The following CDK5RAP2 variants were observed in gnomAD, a reference collection of about 807,000 sequenced individuals.
CDK5RAP2 encodes the protein CDK5 regulatory subunit associated protein 2.
Under a neutral mutation model 232.9 loss-of-function variants are expected in CDK5RAP2, and 147 were observed. That is an observed-to-expected ratio of 0.63 (90% CI 0.55 to 0.72). The LOEUF is 0.72. Among genes scored for constraint, CDK5RAP2 ranks in the 30% least tolerant of loss-of-function variants. The probability of loss-of-function intolerance (pLI) is 0.00; values close to 1 mark genes in which losing one functional copy is unlikely to be tolerated. For missense variants in CDK5RAP2, 2,195 were observed against 2,231.5 expected (o/e 0.98, Z 0.33); for synonymous variants, 833 against 833.7 (o/e 1.00, Z 0.01).
chr9:120,484,274 G>A (rs879553220), intron 14 of CDK5RAP2, among the ~76,000 whole-genome samples: 18 of 152,206 alleles, frequency 1.2e-4, no homozygotes, highest in Non-Finnish European at 2.5e-4. Context: ...AAAGAACTAC[G>A]ATCTGAAAAG....
intron 3 of CDK5RAP2, among the ~76,000 whole-genome samples, chr9:120,560,682 T>C (rs930079057): frequency 6.6e-6 from 1 of 152,202 alleles, no homozygotes; most frequent in Non-Finnish European, 1.5e-5. Context: ...AGTGGCGCGA[T>C]CTCGGCTCAC....
intron 25 of CDK5RAP2, among the ~76,000 whole-genome samples, chr9:120,433,502 A>C (rs1339158786): frequency 6.6e-6 from 1 of 152,242 alleles, no homozygotes; most frequent in Non-Finnish European, 1.5e-5. Context: ...GCAAGGAATT[A>C]AGTAAATTTC....
chr9:120,403,423 T>C lies in CDK5RAP2; in HGVS notation c.5042-352A>G. ...CACTGCAGAAGGTGCAACAGCAGAG[T>C]GATGAAGGGCCAGAGCCAGAAAAAA... On this transcript the variant is annotated intron_variant, in intron 33 of 37. Coordinates refer to ENST00000349780, the MANE Select transcript of CDK5RAP2 (RefSeq NM_018249.6). The surrounding 1 kb of genome is among the most constrained non-coding windows in gnomAD (Gnocchi z 4.2). 3.0e-6 allele frequency: 1 copy of C among 330,282 alleles called. No individual in the cohort carries two copies. Among genetic ancestry groups the C allele is most frequent in the Middle Eastern group, 9.6e-4 (1 of 1,044 alleles). 20.5% of individuals were successfully genotyped at this position (330,282 alleles called of 1,614,324 possible). A position where few individuals can be genotyped will look rare whatever the true frequency, so the allele number is the denominator to read the frequency against.
chr9:120,404,456 T>G (rs2033296915), intron 32 of CDK5RAP2, among the ~76,000 whole-genome samples: 1 of 152,240 alleles, frequency 6.6e-6, no homozygotes, highest in South Asian at 2.1e-4. Context: ...AATACCCGTT[T>G]TAAAACCTTA....
At chr9:120,429,371 G>A (rs2035133323) in intron 25 of CDK5RAP2, among the ~76,000 whole-genome samples, 1 of 152,092 alleles carries the variant, frequency 6.6e-6, no homozygotes, top group South Asian at 2.1e-4. Flanking sequence ...CATTGTCTCA[G>A]CCCAAAATTT....
intron 25 of CDK5RAP2, among the ~76,000 whole-genome samples, chr9:120,435,522 C>T (rs1346885317): frequency 4.0e-5 from 6 of 151,668 alleles, no homozygotes; most frequent in African/African-American, 9.7e-5. Flanking sequence ...AGGGCCTAGA[C>T]ACAATGATAC....
rs191410294 is a variant in CDK5RAP2, at chr9:120,413,880, C to T, written c.4297+1160G>A. 7.2e-3 allele frequency among the ~76,000 whole-genome samples: 1,087 copies of T among 151,792 alleles called. 3 individuals are homozygous for T. The highest frequency in any genetic ancestry group is 0.012 in the Non-Finnish European group (800 of 67,918). On this transcript the variant is annotated intron_variant, in intron 28 of 37. Coordinates refer to ENST00000349780, the MANE Select transcript of CDK5RAP2 (RefSeq NM_018249.6). Reference sequence around the variant, plus strand: ...AGGGAGAGGGCGAGATGGAGCCATTCGGTTTCCCTTGCAAGCTGCAGCATG... The same window carrying T: ...AGGGAGAGGGCGAGATGGAGCCATTTGGTTTCCCTTGCAAGCTGCAGCATG...
At chr9:120,546,140 G>A (rs1163994881) in intron 4 of CDK5RAP2, among the ~76,000 whole-genome samples, 1 of 152,198 alleles carries the variant, frequency 6.6e-6, no homozygotes, top group African/African-American at 2.4e-5. Flanking sequence ...CAATTCTGCG[G>A]TGTGTTTTTC....
At chr9:120,555,152 C>T (rs1350083588) in intron 3 of CDK5RAP2, among the ~76,000 whole-genome samples, 5 of 124,766 alleles carry the variant, frequency 4.0e-5, no homozygotes, top group Admixed American at 2.6e-4. Context: ...GGGTGGGGGG[C>T]GGTGGGTAGA....
chr9:120,399,040 C>T (rs1297089541), intron 35 of CDK5RAP2, among the ~76,000 whole-genome samples: 6 of 152,144 alleles, frequency 3.9e-5, no homozygotes, highest in African/African-American at 1.2e-4. Context: ...GCAACCACAT[C>T]GGAGCATCTC....
intron 3 of CDK5RAP2, 42 bp from the exon 4 acceptor site, chr9:120,550,944 AC>A (rs1447361847): frequency 1.6e-5 from 19 of 1,164,178 alleles, no homozygotes; most frequent in Non-Finnish European, 2.3e-5. Context: ...CAAACAAAAG[AC>A]AGAGGGTCCA....
At chr9:120,398,229 T>C (rs2032692740) in intron 35 of CDK5RAP2, among the ~76,000 whole-genome samples, 1 of 152,262 alleles carries the variant, frequency 6.6e-6, no homozygotes, top group Admixed American at 6.5e-5. Flanking sequence ...TTCATTCTGA[T>C]ATGTGCTATT....
intron 3 of CDK5RAP2, among the ~76,000 whole-genome samples, chr9:120,559,485 T>G (rs1428963680): frequency 1.4e-4 from 16 of 112,326 alleles, no homozygotes; most frequent in African/African-American, 5.3e-4. Context: ...CAAGACTCTG[T>G]CTCAAAAAAA....
chr9:120,484,967 T>G (rs2038519049), intron 14 of CDK5RAP2, among the ~76,000 whole-genome samples: 1 of 151,998 alleles, frequency 6.6e-6, no homozygotes, highest in South Asian at 2.1e-4. Context: ...CAAGCAATCC[T>G]CCTGTCTCAG....
intron 12 of CDK5RAP2, among the ~76,000 whole-genome samples, chr9:120,516,662 C>CA (rs1202619394): frequency 6.6e-6 from 1 of 151,984 alleles, no homozygotes; most frequent in Non-Finnish European, 1.5e-5. Context: ...CCTGTCTCCA[C>CA]AAAAAATAAA....
At chr9:120,460,749 T>A in intron 18 of CDK5RAP2, 82 bp from the exon 19 acceptor site, 1 of 515,636 alleles carries the variant, frequency 1.9e-6, no homozygotes, top group Non-Finnish European at 2.7e-6. Context: ...CAGTGATGTC[T>A]TTTTTTTTTT....
At position 120,460,656 on chromosome 9, in the gene CDK5RAP2, G is replaced by A; in HGVS notation, c.2118C>T (p.Ser706=). The part of the protein sequence containing the change: ...ASTEQTELLA[S]KEDEDTIKIG... ...TTTTGATCGTGTCCTCGTCCTCCTTGCTAGCCAGAAGCTACATGGAGCATG... is the reference window on the plus strand; with the variant it reads ...TTTTGATCGTGTCCTCGTCCTCCTTACTAGCCAGAAGCTACATGGAGCATG... Residue 706 remains serine, a synonymous_variant, in exon 19 of 38, where the codon AGC becomes AGT. Coordinates refer to ENST00000349780, the MANE Select transcript of CDK5RAP2 (RefSeq NM_018249.6). The A allele has an allele frequency of 1.2e-6, 2 of 1,613,880 alleles. No individual in the cohort carries two copies. The highest frequency in any genetic ancestry group is 4.5e-5 in the East Asian group (2 of 44,862).
rs1456960493 is a variant in CDK5RAP2 at position 120,411,394 on chromosome 9, G to C, written c.4378C>G (p.Gln1460Glu). 4 of 1,611,994 alleles carry C rather than the reference G, an allele frequency of 2.5e-6. No homozygotes were observed. Among genetic ancestry groups the C allele is most frequent in the Admixed American group, 3.3e-5 (2 of 59,994 alleles). ...SEIHFLRKQNQALNAMLIKGS... is the reference protein window; with the variant it reads ...SEIHFLRKQNEALNAMLIKGS... ...TTAATGAGCATTGCATTGAGGGCCT[G>C]GTTCTGCTTCCTCAAGAAATGAATT... Residue 1460 changes from glutamine to glutamate, a missense_variant, in exon 29 of 38, where the codon CAG becomes GAG. Coordinates refer to ENST00000349780, the MANE Select transcript of CDK5RAP2 (RefSeq NM_018249.6).
At position 120,403,578 on chromosome 9, in the gene CDK5RAP2, A is replaced by G; in HGVS notation, c.5041+458T>C. ...TCTGACCAAGGACAGCAGCAAAGGC[A>G]TGTCACAGAGAAATGTGTATTCATG... is the stretch of plus-strand genomic sequence containing the variant. On this transcript the variant is annotated intron_variant, in intron 33 of 37. Coordinates refer to ENST00000349780, the MANE Select transcript of CDK5RAP2 (RefSeq NM_018249.6). This position sits in a 1 kb window ranked among gnomAD's most constrained non-coding sequence, Gnocchi z 4.2. 2 of 280,186 alleles carry G rather than the reference A, an allele frequency of 7.1e-6. No individual in the cohort carries two copies. Among genetic ancestry groups the G allele is most frequent in the Non-Finnish European group, 6.9e-6 (1 of 144,502 alleles). 17.4% of individuals were successfully genotyped at this position (280,186 alleles called of 1,614,324 possible).
Sources: gnomAD v4.1 joint callset for allele counts (sites outside exome capture counted in the v4.1 genomes callset) on GRCh38, gnomAD v4.1.1 for gene constraint, Gnocchi (gnomAD v3.1) non-coding constraint, MANE v1.5 for transcripts, NCBI Gene and HGNC (gene_info 2026-07-23, HGNC 2026-07-21) for gene names.